Variants in HPGDS observed in about 807,000 individuals in gnomAD.
The protein encoded by HPGDS is GST class-sigma.
A neutral mutation model predicts 23.1 loss-of-function variants in HPGDS; 26 were observed. That is an observed-to-expected ratio of 1.13 (90% CI 0.83 to 1.56). The LOEUF (loss-of-function observed/expected upper bound fraction) is 1.56, where lower values mean the gene tolerates loss of function less well. Ranked by LOEUF, HPGDS falls within the 40% of genes most tolerant of loss-of-function variation. The probability of loss-of-function intolerance (pLI) is 0.00; values close to 1 mark genes in which losing one functional copy is unlikely to be tolerated. For synonymous variants in HPGDS, 95 were observed against 77.9 expected (o/e 1.22, Z -1.16); for missense variants, 268 against 236.4 (o/e 1.13, Z -0.88).
At chr4:94,340,311 C>CTTTCTTTCTTTTTTTTTTTT in intron 1 of HPGDS, among the ~76,000 whole-genome samples, 1 of 23,678 alleles carries the variant, frequency 4.2e-5, no homozygotes. Context: ...CTTTCTTTCT[C>CTTTCTTTCTTTTTTTTTTTT]TTTTTTTTTT....
intron 2 of HPGDS, among the ~76,000 whole-genome samples, chr4:94,331,605 T>A (rs766182995): frequency 1.3e-5 from 2 of 152,196 alleles, no homozygotes; most frequent in Non-Finnish European, 2.9e-5. Flanking sequence ...GAGGAATTTC[T>A]GCTCAAGGAA....
chr4:94,339,174 T>A (rs1049540361), intron 1 of HPGDS, among the ~76,000 whole-genome samples: 1 of 152,208 alleles, frequency 6.6e-6, no homozygotes, highest in African/African-American at 2.4e-5. Flanking sequence ...ATCTAGGTTA[T>A]CTTGGTATGA....
At chr4:94,303,813 G>A (rs534120455) in intron 4 of HPGDS, 32 of 152,092 alleles carry the variant, frequency 2.1e-4, no homozygotes, top group African/African-American at 6.7e-4. Flanking sequence ...AGAGCTTCAG[G>A]TGCACCAATG....
At chr4:94,320,655 G>C (rs1756487281) in intron 2 of HPGDS, among the ~76,000 whole-genome samples, 1 of 152,120 alleles carries the variant, frequency 6.6e-6, no homozygotes, top group Non-Finnish European at 1.5e-5. Context: ...GTAGATTCTG[G>C]ATATTAGCCA....
intron 2 of HPGDS, among the ~76,000 whole-genome samples, chr4:94,320,959 C>T (rs1277280489): frequency 6.6e-6 from 1 of 152,130 alleles, no homozygotes; most frequent in Non-Finnish European, 1.5e-5. Flanking sequence ...AGGAAGGGAT[C>T]CAGTTTCAGC....
At chr4:94,301,195 A>G (rs947892548) in intron 5 of HPGDS, among the ~76,000 whole-genome samples, 2 of 152,166 alleles carry the variant, frequency 1.3e-5, no homozygotes, top group African/African-American at 2.4e-5. Context: ...GAGTGTCAGC[A>G]TGCTACAAAA....
intron 2 of HPGDS, among the ~76,000 whole-genome samples, chr4:94,326,843 T>C (rs773083698): frequency 2.6e-5 from 4 of 152,210 alleles, no homozygotes; most frequent in Admixed American, 6.5e-5. Flanking sequence ...TTCAGTTTTA[T>C]GGATTGATTT....
intron 3 of HPGDS, among the ~76,000 whole-genome samples, chr4:94,310,651 GTT>G (rs575889959): frequency 6.6e-6 from 1 of 152,080 alleles, no homozygotes; most frequent in African/African-American, 2.4e-5. Flanking sequence ...CTTTAAAGTA[GTT>G]TTTTTCCAAT....
intron 2 of HPGDS, among the ~76,000 whole-genome samples, chr4:94,319,974 A>G (rs985646818): frequency 6.6e-6 from 1 of 151,960 alleles, no homozygotes; most frequent in African/African-American, 2.4e-5. Flanking sequence ...AAGTGTTCTC[A>G]TTGTTCAGTT....
chr4:94,329,196 C>T (rs1282510455), intron 2 of HPGDS, among the ~76,000 whole-genome samples: 3 of 152,080 alleles, frequency 2.0e-5, no homozygotes, highest in Non-Finnish European at 2.9e-5. Flanking sequence ...ATTAGGTCTT[C>T]TTTTACCTAC....
At position 94,305,082 on chromosome 4, in the gene HPGDS, T is replaced by A. The variant is rs181933989; in HGVS notation, c.337-2838A>T. On this transcript the variant is annotated intron_variant, in intron 4 of 5. Transcript: ENST00000295256. ...TAAAAACAATTAACACCAAAGTATATAACACTATTAATTATAATAGTTAAT... is the reference window on the plus strand; with the variant it reads ...TAAAAACAATTAACACCAAAGTATAAAACACTATTAATTATAATAGTTAAT... 9.9e-5 allele frequency among the ~76,000 whole-genome samples: 15 copies of A among 152,198 alleles called. No homozygotes were observed. The East Asian group carries it at 2.9e-3, about 29-fold the overall frequency.
At chr4:94,321,637 T>C (rs1327327387) in intron 2 of HPGDS, among the ~76,000 whole-genome samples, 1 of 152,236 alleles carries the variant, frequency 6.6e-6, no homozygotes, top group Non-Finnish European at 1.5e-5. Flanking sequence ...TTGTTGAAGT[T>C]GCTTATCAGC....
intron 1 of HPGDS, among the ~76,000 whole-genome samples, chr4:94,342,412 G>A (rs1721191032): frequency 6.6e-6 from 1 of 152,098 alleles, no homozygotes; most frequent in African/African-American, 2.4e-5. Context: ...GAAAGAAATT[G>A]AACAGCCATG....
chr4:94,334,968 G>A (rs1720969394), intron 1 of HPGDS, among the ~76,000 whole-genome samples: 1 of 152,152 alleles, frequency 6.6e-6, no homozygotes, highest in African/African-American at 2.4e-5. Context: ...ACTTTAAGAT[G>A]ATTTTACCCT....
intron 2 of HPGDS, among the ~76,000 whole-genome samples, chr4:94,328,055 A>T (rs1756671575): frequency 6.6e-6 from 1 of 152,190 alleles, no homozygotes; most frequent in Non-Finnish European, 1.5e-5. Flanking sequence ...AGGGCCCATA[A>T]GGCCCAAGGG....
chr4:94,340,311 C>CTTTCTTTTTCTTTTTTTTTTTTTTTTTT, intron 1 of HPGDS, among the ~76,000 whole-genome samples: 3 of 23,678 alleles, frequency 1.3e-4, no homozygotes, highest in African/African-American at 4.4e-4. Context: ...CTTTCTTTCT[C>CTTTCTTTTTCTTTTTTTTTTTTTTTTTT]TTTTTTTTTT....
chr4:94,317,650 A>G (rs984982302), intron 3 of HPGDS, among the ~76,000 whole-genome samples: 2 of 152,224 alleles, frequency 1.3e-5, no homozygotes, highest in African/African-American at 4.8e-5. Context: ...AACAGATGTA[A>G]GGCAGGAAAA....
At chr4:94,321,175 A>G (rs1020379040) in intron 2 of HPGDS, among the ~76,000 whole-genome samples, 1 of 152,160 alleles carries the variant, frequency 6.6e-6, no homozygotes, top group African/African-American at 2.4e-5. Context: ...GGCTTGTAGT[A>G]TAGTTTGAAG....
At chr4:94,322,645 TTC>T (rs1756539312) in intron 2 of HPGDS, among the ~76,000 whole-genome samples, 1 of 152,174 alleles carries the variant, frequency 6.6e-6, no homozygotes, top group South Asian at 2.1e-4. Flanking sequence ...TATTTGATTC[TTC>T]TCTCTTTTCT....
Sources: gnomAD v4.1 joint callset for allele counts (sites outside exome capture counted in the v4.1 genomes callset) on GRCh38, gnomAD v4.1.1 for gene constraint, MANE v1.5 for transcripts, NCBI Gene and HGNC (gene_info 2026-07-23, HGNC 2026-07-21) for gene names.